TRIM37: variants seen among roughly 807,000 people sequenced by gnomAD.
TRIM37 encodes the protein tripartite motif containing 37.
A neutral mutation model predicts 129.8 loss-of-function variants in TRIM37; 80 were observed. That is an observed-to-expected ratio of 0.62 (90% confidence interval 0.51 to 0.74). The LOEUF is 0.74. TRIM37 is among the 30% of genes least tolerant of loss of function. The pLI is 0.00. For synonymous variants in TRIM37, 389 were observed against 387.1 expected (o/e 1.00, Z -0.06); for missense variants, 1,054 against 1,176.5 (o/e 0.90, Z 1.52).
Position 59,054,869 on chromosome 17 carries a change from T to C in TRIM37, c.1199+2006A>G, listed in dbSNP as rs189942110. The stretch of plus-strand genomic sequence containing the variant: ...TTAGTAGAGATAGGATTTCACCATA[T>C]TGGCCAGGCTGCTCTCAAACTCCTG... On this transcript the variant is annotated intron_variant, in intron 13 of 23. Transcript: ENST00000262294. Among the ~76,000 whole-genome samples, 97 of 151,006 alleles carry C rather than the reference T, an allele frequency of 6.4e-4. 1 individual carries two copies. Among genetic ancestry groups the C allele is most frequent in the African/African-American group, 2.3e-3 (96 of 41,152 alleles).
At chr17:58,997,058 C>G (rs1303265991), downstream of TRIM37, among the ~76,000 whole-genome samples, 1 of 152,032 alleles carries the variant, frequency 6.6e-6, no homozygotes, top group Non-Finnish European at 1.5e-5. Context: ...AACATGGTAA[C>G]AAAATACAAT....
intron 22 of TRIM37, among the ~76,000 whole-genome samples, chr17:59,006,583 G>A (rs540061602): frequency 3.0e-4 from 45 of 152,212 alleles, no homozygotes; most frequent in African/African-American, 1.0e-3. Context: ...TGGTGAGGGA[G>A]ACCAACTAAC....
At chr17:59,037,919 A>G (rs190887512) in intron 17 of TRIM37, among the ~76,000 whole-genome samples, 190 of 152,214 alleles carry the variant, frequency 1.2e-3, no homozygotes, top group Non-Finnish European at 1.8e-3. Context: ...AAGTATGTCA[A>G]ATATTTTGTA....
chr17:59,001,497 G>C, intron 23 of TRIM37, 101 bp downstream of exon 23: 1 of 1,456,136 alleles, frequency 6.9e-7, no homozygotes. Flanking sequence ...AGCAAAAGCA[G>C]TAGAGCGGAA....
At chr17:58,968,122 G>C in the TRIM37 span, among the ~76,000 whole-genome samples, 1 of 152,038 alleles carries the variant, frequency 6.6e-6, no homozygotes, top group Non-Finnish European at 1.5e-5. Context: ...CTAGAGAGTT[G>C]TTTAATCCGT....
intron 1 of TRIM37, 190 bp from the exon 2 acceptor site, chr17:59,104,584 G>C (rs2045821661): frequency 2.7e-6 from 2 of 747,786 alleles, no homozygotes. Context: ...CTCCCGTTTG[G>C]TTTCACGATG....
chr17:58,969,670 C>T, the TRIM37 span: 2 of 1,614,026 alleles, frequency 1.2e-6, no homozygotes, highest in African/African-American at 2.7e-5. Context: ...CTGCTGAGGC[C>T]CTGTGCAGGG....
chr17:59,085,878 T>C (rs1599459279), intron 4 of TRIM37, among the ~76,000 whole-genome samples: 1 of 152,170 alleles, frequency 6.6e-6, no homozygotes, highest in East Asian at 1.9e-4. Flanking sequence ...GGTGGGAAAT[T>C]CTGACACATG....
At chr17:58,997,425 G>A (rs969779747), downstream of TRIM37, among the ~76,000 whole-genome samples, 15 of 152,276 alleles carry the variant, frequency 9.9e-5, no homozygotes, top group African/African-American at 3.6e-4. Context: ...CCCCATCCCT[G>A]CCAGTGGTTT....
intron 11 of TRIM37, 47 bp from the exon 12 acceptor site, chr17:59,061,155 TA>T (rs1337009885): frequency 1.4e-6 from 2 of 1,455,522 alleles, no homozygotes; most frequent in African/African-American, 2.8e-5. Context: ...TAAGCCACAA[TA>T]AAACAAAATG....
Position 59,036,355 on chromosome 17 carries a change from T to C in TRIM37, c.1754-4265A>G, listed in dbSNP as rs534977810. 1.2e-4 allele frequency among the ~76,000 whole-genome samples: 18 copies of C among 152,184 alleles called. No individual in the cohort carries two copies. The East Asian group carries it at 2.7e-3, about 23-fold the overall frequency. On this transcript the variant is annotated intron_variant, in intron 17 of 23. Coordinates refer to ENST00000262294, the MANE Select transcript of TRIM37 (RefSeq NM_015294.6). ...AAAGACAATTTATGTTAAAAAAAAT[T>C]TGTGCTAAAAAGGTTTTAAGTATCA... is the stretch of plus-strand genomic sequence containing the variant.
chr17:59,019,707 CA>C lies in TRIM37; in HGVS notation c.2258-2284del, dbSNP rs1163121995. 4.6e-3 allele frequency among the ~76,000 whole-genome samples: 591 copies of C among 128,876 alleles called. 1 individual carries two copies. Among genetic ancestry groups the C allele is most frequent in the Middle Eastern group, 0.017 (4 of 242 alleles). The allele number at this position is 128,876 out of a possible 152,430, so 84.5% of individuals were successfully genotyped here. ...TGGGTAACAGGGAGAGACTCCGTCT[CA>C]AAAAAAAAAAAGTCCAGAAGAAGAA... is the stretch of plus-strand genomic sequence containing the variant. On this transcript the variant is annotated intron_variant, in intron 19 of 23. Transcript: ENST00000262294.
In TRIM37 at chr17:59,042,002, A is replaced by G. The variant is rs188250475; in HGVS notation, c.1668-104T>C. 669 of 766,732 alleles carry G rather than the reference A, an allele frequency of 8.7e-4. 5 individuals carry two copies. The East Asian group carries it at 0.01, about 12-fold the overall frequency. The allele number at this position is 766,732 out of a possible 1,614,324, so 47.5% of individuals were successfully genotyped here. ...TATGCAGATTTTTCTGTGAAATAAG[A>G]TATTTCTAAATACAAAAAGGAGAAA... is the stretch of plus-strand genomic sequence containing the variant. On this transcript the variant is annotated intron_variant, in intron 16 of 23. Coordinates refer to ENST00000262294, the MANE Select transcript of TRIM37 (RefSeq NM_015294.6).
At chr17:59,093,389 T>C (rs886590069) in intron 2 of TRIM37, among the ~76,000 whole-genome samples, 2 of 152,182 alleles carry the variant, frequency 1.3e-5, no homozygotes, top group South Asian at 2.1e-4. Context: ...GTAATGTCTT[T>C]ACATGTTTCC....
Position 58,999,274 on chromosome 17 carries a change from A to G in TRIM37, c.*103T>C, listed in dbSNP as rs1276008912. 5 of 1,606,646 alleles carry G rather than the reference A, an allele frequency of 3.1e-6. No homozygotes were observed. Among genetic ancestry groups the G allele is most frequent in the Middle Eastern group, 1.7e-4 (1 of 6,040 alleles). On this transcript the variant is annotated 3_prime_UTR_variant, in exon 24 of 24. Transcript: ENST00000262294. ...TATTTCAGGTCGAGATAATGAAGAA[A>G]TAAGACCAAATCTGATTATCTGACT...
At chr17:59,080,317 T>C (rs1355957185) in intron 6 of TRIM37, among the ~76,000 whole-genome samples, 4 of 152,220 alleles carry the variant, frequency 2.6e-5, no homozygotes, top group Non-Finnish European at 4.4e-5. Context: ...CTAAAGCTGT[T>C]TGACCTAAAC....
At chr17:58,995,089 C>T (rs904664554), downstream of TRIM37, among the ~76,000 whole-genome samples, 7 of 152,082 alleles carry the variant, frequency 4.6e-5, 1 homozygote, top group South Asian at 8.3e-4. Context: ...CACTCTGTCA[C>T]GCAGGCTGAA....
chr17:59,105,784 C>T (rs758083422), intron 1 of TRIM37, among the ~76,000 whole-genome samples: 4 of 152,258 alleles, frequency 2.6e-5, no homozygotes, highest in African/African-American at 7.2e-5. Flanking sequence ...TTACCCCTTA[C>T]TAAAAAGCAA....
rs904205498 is a variant in TRIM37 at position 59,106,860 on chromosome 17, C to A, written c.-399G>T. 1.2e-5 allele frequency: 4 copies of A among 324,192 alleles called. No homozygotes were observed. The highest frequency in any genetic ancestry group is 4.8e-5 in the Admixed American group (1 of 20,862). The allele number at this position is 324,192 out of a possible 1,614,324, so 20.1% of individuals were successfully genotyped here. A position where few individuals can be genotyped will look rare whatever the true frequency, so the allele number is the denominator to read the frequency against. ...CAACCGTAACCAGAGCAGCTGGGGG[C>A]GCGGCGGCGAGAGAAGCTGCGAAGC... On this transcript the variant is annotated 5_prime_UTR_variant, in exon 1 of 24. Coordinates refer to ENST00000262294, the MANE Select transcript of TRIM37 (RefSeq NM_015294.6).
Sources: allele counts gnomAD v4.1 joint callset (sites outside exome capture counted in the v4.1 genomes callset), GRCh38; gene constraint gnomAD v4.1.1; transcripts MANE v1.5; gene names NCBI Gene and HGNC (gene_info 2026-07-23, HGNC 2026-07-21).